The following PHAX variants were observed in gnomAD, a reference collection of about 807,000 sequenced individuals.
The protein encoded by PHAX is phosphorylated adaptor for RNA export.
In PHAX, 31 loss-of-function variants were observed where a neutral mutation model predicts 41.6. The observed-to-expected ratio is 0.75, with a 90% CI of 0.56 to 1.01. The LOEUF is 1.01. PHAX is among the 50% of genes least tolerant of loss of function. PHAX has a pLI of 0.00. For synonymous variants in PHAX, 175 were observed against 164.9 expected, an observed-to-expected ratio of 1.06 and a Z score of -0.47; for missense variants, 453 against 472.9, an observed-to-expected ratio of 0.96 and a Z score of 0.39.
rs757415061 is a variant in PHAX, at chr5:126,603,698, T to A, written c.225T>A (p.Asp75Glu). 1 of 1,614,182 alleles carries A rather than the reference T, an allele frequency of 6.2e-7. No homozygotes were observed. Among genetic ancestry groups the A allele is most frequent in the Non-Finnish European group, 8.5e-7 (1 of 1,180,034 alleles). The part of the protein sequence containing the change: ...SSEESFSDSD[D>E]DSCLWKRKRQ... The stretch of plus-strand genomic sequence containing the variant: ...AAGAAAGTTTTTCTGATTCAGATGA[T>A]GATAGCTGTCTTTGGAAACGCAAAC... Residue 75 changes from aspartate (D) to glutamate (E), a missense_variant, in exon 2 of 5, where the codon GAT becomes GAA. Transcript: ENST00000297540.
rs372607054 is a variant in PHAX at position 126,616,650 on chromosome 5, C to T, written c.832-600C>T. Among the ~76,000 whole-genome samples the T allele has an allele frequency of 1.8e-3, 274 of 152,116 alleles. 1 individual carries two copies. Among genetic ancestry groups the T allele is most frequent in the South Asian group, 0.014 (67 of 4,828 alleles). On this transcript the variant is annotated intron_variant, in intron 3 of 4. Transcript: ENST00000297540. ...ATCCTAGCACTTTGTGAGGCTGAGGCGGGCAGATCGCCTGAGGTCAGGAGT... is the reference window on the plus strand; with the variant it reads ...ATCCTAGCACTTTGTGAGGCTGAGGTGGGCAGATCGCCTGAGGTCAGGAGT...
rs147733884 is a variant in PHAX at position 126,622,645 on chromosome 5, G to A, written c.916-1930G>A. Among the ~76,000 whole-genome samples, 712 of 151,916 alleles carry A rather than the reference G, an allele frequency of 4.7e-3. 6 individuals carry two copies. Among genetic ancestry groups the A allele is most frequent in the African/African-American group, 0.016 (666 of 41,448 alleles). ...TATTTGGAGAGAAAAGGGCAGTTTCGTAAAATTTACTCAGTGTTACCAAGC... is the reference window on the plus strand; with the variant it reads ...TATTTGGAGAGAAAAGGGCAGTTTCATAAAATTTACTCAGTGTTACCAAGC... On this transcript the variant is annotated intron_variant, in intron 4 of 4. Transcript: ENST00000297540.
intron 2 of PHAX, among the ~76,000 whole-genome samples, chr5:126,607,947 G>A (rs10077962): frequency 0.26 from 40,239 of 151,952 alleles, 6,661 homozygotes; most frequent in African/African-American, 0.45. Flanking sequence ...TGAGGGAAAG[G>A]TCCTATCCCA....
In PHAX at chr5:126,624,757, T is replaced by G; in HGVS notation, c.1098T>G (p.Asp366Glu). 1 of 1,614,188 alleles carries G rather than the reference T, an allele frequency of 6.2e-7. No individual in the cohort carries two copies. The change falls in exon 5 of 5, where the codon GAT (aspartate) becomes GAG (glutamate). Residue 366 changes from aspartate (D) to glutamate (E), a missense_variant. Transcript: ENST00000297540. ...SDTNEALASLDESQEGHAEAK... is the reference protein window; with the variant it reads ...SDTNEALASLEESQEGHAEAK... ...CGAATGAGGCCTTGGCCTCTCTTGA[T>G]GAGTCACAGGAAGGACATGCAGAAG...
At position 126,601,059 on chromosome 5, in the gene PHAX, G is replaced by C. The variant is rs769774056; in HGVS notation, c.96+1G>C. On this transcript the variant is annotated splice_donor_variant, in intron 1 of 4. Coordinates refer to ENST00000297540, the MANE Select transcript of PHAX (RefSeq NM_032177.4). LOFTEE classifies it high-confidence loss of function. Reference sequence around the variant, plus strand: ...CAGCGACAGGCCGCTGCAATTGCCAGTGAGTGTGAAAGGAGGGTGGGTGAT... The same window carrying C: ...CAGCGACAGGCCGCTGCAATTGCCACTGAGTGTGAAAGGAGGGTGGGTGAT... 12 of 1,603,850 alleles carry C rather than the reference G, an allele frequency of 7.5e-6. No individual in the cohort carries two copies. Among genetic ancestry groups the C allele is most frequent in the Non-Finnish European group, 1.0e-5 (12 of 1,174,554 alleles).
At chr5:126,620,992 T>G (rs575575678) in intron 4 of PHAX, among the ~76,000 whole-genome samples, 1 of 152,224 alleles carries the variant, frequency 6.6e-6, no homozygotes, top group East Asian at 1.9e-4. Flanking sequence ...CTCCTCGGCC[T>G]CCCAAAGTGC....
At chr5:126,611,474 CAAT>C (rs1434797995) in intron 3 of PHAX, among the ~76,000 whole-genome samples, 1 of 151,518 alleles carries the variant, frequency 6.6e-6, no homozygotes, top group Non-Finnish European at 1.5e-5. Context: ...AGTCTATAAA[CAAT>C]AAATATAACT....
chr5:126,603,642 T>G lies in PHAX; in HGVS notation c.169T>G (p.Tyr57Asp). ...AACTGCATGTGCACCAGTATCACAT[T>G]ATCGAGCTGTTGAAAGTGTGGATTC... is the stretch of plus-strand genomic sequence containing the variant. ...TATACAPVSH[Y>D]RAVESVDSSE... Residue 57 changes from tyrosine to aspartate, a missense_variant, in exon 2 of 5, where the codon TAT becomes GAT. Physicochemically the swap from Tyr to Asp is radical, Grantham distance 160. Transcript: ENST00000297540. The G allele has an allele frequency of 1.2e-6, 2 of 1,614,210 alleles. No homozygotes were observed. Among genetic ancestry groups the G allele is most frequent in the Non-Finnish European group, 1.7e-6 (2 of 1,180,018 alleles).
chr5:126,622,778 C>T (rs1294390548), intron 4 of PHAX, among the ~76,000 whole-genome samples: 1 of 151,934 alleles, frequency 6.6e-6, no homozygotes, highest in East Asian at 1.9e-4. Flanking sequence ...GGTAAGTGAA[C>T]TCTTGGAAAA....
chr5:126,601,209 G>C, intron 1 of PHAX, 151 bp downstream of exon 1: 1 of 586,908 alleles, frequency 1.7e-6, no homozygotes, highest in Non-Finnish European at 3.0e-6. Flanking sequence ...GCCGCAGAAG[G>C]GGCGAGCAGA....
rs761125079 is a variant in PHAX at position 126,609,095 on chromosome 5, A to ATTTTTTTTTTTTTTTTTTTTT, written c.831+614_831+634dup. 1.3e-4 allele frequency among the ~76,000 whole-genome samples: 13 copies of ATTTTTTTTTTTTTTTTTTTTT among 101,236 alleles called. 3 individuals are homozygous for ATTTTTTTTTTTTTTTTTTTTT. The highest frequency in any genetic ancestry group is 6.2e-4 in the African/African-American group (13 of 21,000). 66.4% of individuals were successfully genotyped at this position (101,236 alleles called of 152,430 possible). On this transcript the variant is annotated intron_variant, in intron 3 of 4. Transcript: ENST00000297540. ...ATGATTTGTTAAAGGTAGGGGTTGA[A>ATTTTTTTTTTTTTTTTTTTTT]TTTTTTTTTTTTTTTTTTTTTTTGA...
chr5:126,617,435 G>A lies in PHAX; in HGVS notation c.915+102G>A, dbSNP rs376161317. The A allele has an allele frequency of 1.1e-4, 68 of 615,246 alleles. No homozygotes were observed. In the East Asian group the frequency reaches 1.6e-3, roughly 15 times the overall value. The allele number at this position is 615,246 out of a possible 1,614,324, so 38.1% of individuals were successfully genotyped here. On this transcript the variant is annotated intron_variant, in intron 4 of 4. Transcript: ENST00000297540. The stretch of plus-strand genomic sequence containing the variant: ...ATATGCATTACCTGTTCTGCCTTCA[G>A]TGGACTGATTTTGTTATTATCTTAA...
At chr5:126,616,606 G>A (rs890402629) in intron 3 of PHAX, among the ~76,000 whole-genome samples, 2 of 152,006 alleles carry the variant, frequency 1.3e-5, no homozygotes, top group African/African-American at 2.4e-5. Context: ...CATGGTGGGT[G>A]CGGTGGCTCA....
intron 3 of PHAX, among the ~76,000 whole-genome samples, chr5:126,613,843 G>A (rs980564594): frequency 6.7e-6 from 1 of 149,824 alleles, no homozygotes; most frequent in Non-Finnish European, 1.5e-5. Flanking sequence ...TGGCACAATC[G>A]CAGGTCACTG....
intron 3 of PHAX, among the ~76,000 whole-genome samples, chr5:126,612,932 A>G (rs919121205): frequency 2.6e-5 from 4 of 152,220 alleles, no homozygotes; most frequent in Admixed American, 1.3e-4. Context: ...AGATGACTCC[A>G]AGGTTTTTAG....
chr5:126,601,561 C>T (rs1751903925), intron 1 of PHAX, among the ~76,000 whole-genome samples: 1 of 152,110 alleles, frequency 6.6e-6, no homozygotes, highest in South Asian at 2.1e-4. Flanking sequence ...AGACTGAGGC[C>T]CAGGAATGAA....
intron 4 of PHAX, among the ~76,000 whole-genome samples, chr5:126,620,423 C>T (rs1752251490): frequency 6.6e-6 from 1 of 152,122 alleles, no homozygotes; most frequent in Non-Finnish European, 1.5e-5. Flanking sequence ...TTATTGATTT[C>T]CTCCCACTGG....
At chr5:126,602,295 G>A (rs984427326) in intron 1 of PHAX, among the ~76,000 whole-genome samples, 1 of 152,242 alleles carries the variant, frequency 6.6e-6, no homozygotes, top group Non-Finnish European at 1.5e-5. Flanking sequence ...GCCTTGGTAG[G>A]TAGCAACCTC....
intron 4 of PHAX, among the ~76,000 whole-genome samples, chr5:126,618,121 T>G (rs1752216763): frequency 6.6e-6 from 1 of 151,916 alleles, no homozygotes; most frequent in Non-Finnish European, 1.5e-5. Flanking sequence ...ACCCAGCTAA[T>G]TTTTGTATTT....
Sources: allele counts gnomAD v4.1 joint callset (sites outside exome capture counted in the v4.1 genomes callset), GRCh38; gene constraint gnomAD v4.1.1; transcripts MANE v1.5; gene names NCBI Gene and HGNC (gene_info 2026-07-23, HGNC 2026-07-21).